Variants in JAZF1 observed in about 807,000 individuals in gnomAD.
JAZF1 encodes the protein JAZF zinc finger 1.
Under a neutral mutation model 26.4 loss-of-function variants are expected in JAZF1, and 8 were observed. That is an observed-to-expected ratio of 0.30 (90% confidence interval 0.18 to 0.55). The LOEUF (loss-of-function observed/expected upper bound fraction) is 0.55. Among genes scored for constraint, JAZF1 ranks in the 20% least tolerant of loss-of-function variants. The probability of loss-of-function intolerance (pLI) is 0.94; values close to 1 mark genes in which losing one functional copy is unlikely to be tolerated. For missense variants in JAZF1, 199 were observed against 322.0 expected, an observed-to-expected ratio of 0.62 and a Z score of 2.92; for synonymous variants, 126 against 122.3, an observed-to-expected ratio of 1.03 and a Z score of -0.20.
intron 3 of JAZF1, among the ~76,000 whole-genome samples, chr7:27,870,752 A>G (rs1044442931): frequency 6.6e-6 from 1 of 152,178 alleles, no homozygotes; most frequent in Non-Finnish European, 1.5e-5. Context: ...ATGGGAAACC[A>G]GCATTTGCAA....
intron 1 of JAZF1, among the ~76,000 whole-genome samples, chr7:28,013,273 G>C (rs1782829255): frequency 6.6e-6 from 1 of 152,140 alleles, no homozygotes; most frequent in African/African-American, 2.4e-5. Flanking sequence ...CACAGGGCCT[G>C]CTTGCTAAAT....
At chr7:28,135,683 G>A (rs1177884078) in intron 1 of JAZF1, among the ~76,000 whole-genome samples, 1 of 152,204 alleles carries the variant, frequency 6.6e-6, no homozygotes, top group Non-Finnish European at 1.5e-5. Flanking sequence ...TACTTTTTAA[G>A]TCTGATCAAT....
At chr7:27,979,152 T>C (rs184043270) in intron 2 of JAZF1, among the ~76,000 whole-genome samples, 2 of 152,124 alleles carry the variant, frequency 1.3e-5, no homozygotes, top group East Asian at 3.9e-4. Context: ...TATAAGAACA[T>C]AGTATATTTT....
At chr7:27,943,482 T>C (rs1042917413) in intron 2 of JAZF1, among the ~76,000 whole-genome samples, 3 of 152,184 alleles carry the variant, frequency 2.0e-5, no homozygotes, top group African/African-American at 7.2e-5. Context: ...AATGCGATCA[T>C]TTCCGTCTGA....
intron 2 of JAZF1, among the ~76,000 whole-genome samples, chr7:27,945,248 G>A (rs1329288378): frequency 6.6e-6 from 1 of 152,124 alleles, no homozygotes; most frequent in East Asian, 1.9e-4. Flanking sequence ...AATTGAGTGT[G>A]GGTGTTGGCT....
chr7:28,122,788 T>C (rs548348426), intron 1 of JAZF1, among the ~76,000 whole-genome samples: 4 of 152,256 alleles, frequency 2.6e-5, no homozygotes, highest in South Asian at 2.1e-4. Context: ...TCCATAGTTA[T>C]AGGGAGATAC....
chr7:28,045,095 G>A (rs1204825722), intron 1 of JAZF1, among the ~76,000 whole-genome samples: 3 of 151,426 alleles, frequency 2.0e-5, no homozygotes, highest in East Asian at 2.0e-4. Flanking sequence ...GAAGCCAGGA[G>A]GAAGGTGAAA....
chr7:28,017,729 AAGAC>A (rs1411669201), intron 1 of JAZF1, among the ~76,000 whole-genome samples: 6 of 152,192 alleles, frequency 3.9e-5, no homozygotes, highest in African/African-American at 1.2e-4. Context: ...TTTGGTGAAA[AAGAC>A]CAGCAAATGA....
chr7:27,909,357 GA>G (rs1361472361), intron 2 of JAZF1, among the ~76,000 whole-genome samples: 1 of 151,754 alleles, frequency 6.6e-6, no homozygotes, highest in Admixed American at 6.6e-5. Context: ...AAAGGACGCA[GA>G]TGTTGATGAT....
chr7:28,019,628 CT>C (rs1481722288), intron 1 of JAZF1, among the ~76,000 whole-genome samples: 2 of 152,072 alleles, frequency 1.3e-5, no homozygotes, highest in Non-Finnish European at 2.9e-5. Context: ...TCCTACCCCC[CT>C]CCTTGACTTT....
chr7:27,900,849 A>G (rs558239567), intron 2 of JAZF1, among the ~76,000 whole-genome samples: 119 of 152,342 alleles, frequency 7.8e-4, no homozygotes, highest in African/African-American at 2.7e-3. Context: ...GTATTTTTTA[A>G]AATTATGGAA....
At chr7:28,153,923 C>G (rs1290503793) in intron 1 of JAZF1, among the ~76,000 whole-genome samples, 2 of 152,134 alleles carry the variant, frequency 1.3e-5, no homozygotes, top group African/African-American at 4.8e-5. Context: ...ACCTGCCCCT[C>G]TACCCCCTCC....
chr7:27,894,662 G>C (rs1278981279), intron 3 of JAZF1, among the ~76,000 whole-genome samples: 2 of 152,180 alleles, frequency 1.3e-5, no homozygotes, highest in Admixed American at 1.3e-4. Context: ...TGGTGAATAG[G>C]TGGGTATAAA....
chr7:27,946,486 C>T (rs1432972071), intron 2 of JAZF1, among the ~76,000 whole-genome samples: 2 of 152,206 alleles, frequency 1.3e-5, no homozygotes, highest in East Asian at 1.9e-4. Context: ...AAAAAACATC[C>T]GAGAGTCTCC....
intron 1 of JAZF1, among the ~76,000 whole-genome samples, chr7:28,133,813 T>C (rs979479934): frequency 6.6e-6 from 1 of 152,168 alleles, no homozygotes; most frequent in East Asian, 1.9e-4. Flanking sequence ...ACAGTCTTCT[T>C]CCAGAGAGTC....
chr7:27,899,996 A>C (rs1488774014), intron 2 of JAZF1, among the ~76,000 whole-genome samples: 4 of 152,182 alleles, frequency 2.6e-5, no homozygotes, highest in Non-Finnish European at 5.9e-5. Flanking sequence ...GGCAGCTGGG[A>C]GAACAAAAGG....
chr7:27,836,942 T>C (rs918535756), intron 4 of JAZF1, among the ~76,000 whole-genome samples: 1 of 152,122 alleles, frequency 6.6e-6, no homozygotes, highest in Non-Finnish European at 1.5e-5. Flanking sequence ...CTTTTCACTA[T>C]TTTTTCATAC....
At chr7:27,955,078 G>A (rs560994925) in intron 2 of JAZF1, among the ~76,000 whole-genome samples, 3 of 152,238 alleles carry the variant, frequency 2.0e-5, no homozygotes, top group South Asian at 4.1e-4. Flanking sequence ...TCTAATTGAC[G>A]TCTTCCAACT....
intron 1 of JAZF1, among the ~76,000 whole-genome samples, chr7:28,009,991 C>T (rs891457301): frequency 2.0e-5 from 3 of 152,198 alleles, no homozygotes; most frequent in Admixed American, 2.0e-4. Context: ...AGATCATTTG[C>T]AATTTGGCTT....
Sources: gnomAD v4.1 joint callset for allele counts (sites outside exome capture counted in the v4.1 genomes callset) on GRCh38, gnomAD v4.1.1 for gene constraint, MANE v1.5 for transcripts, NCBI Gene and HGNC (gene_info 2026-07-23, HGNC 2026-07-21) for gene names.